The following BABAM2 variants were observed in gnomAD, a reference collection of about 807,000 sequenced individuals.
BABAM2 encodes BRISC and BRCA1 A complex member 2.
BABAM2 carries 31 observed loss-of-function variants against 54.7 expected under a neutral mutation model. The ratio of observed to expected loss-of-function variants is 0.57; its 90% CI spans 0.43 to 0.77. The LOEUF is 0.77. Among genes scored for constraint, BABAM2 ranks in the 30% least tolerant of loss-of-function variants. The pLI is 0.00. For synonymous variants in BABAM2, 167 were observed against 162.9 expected (o/e 1.03, Z -0.19); for missense variants, 364 against 455.8 (o/e 0.80, Z 1.83).
intron 6 of BABAM2, among the ~76,000 whole-genome samples, chr2:28,121,360 CATT>C (rs1669051724): frequency 6.6e-6 from 1 of 152,210 alleles, no homozygotes; most frequent in South Asian, 2.1e-4. Context: ...TGACCAGTGT[CATT>C]ATGAGACAGA....
intron 10 of BABAM2, among the ~76,000 whole-genome samples, chr2:28,264,543 G>A (rs1684813779): frequency 6.6e-6 from 1 of 152,168 alleles, no homozygotes; most frequent in Non-Finnish European, 1.5e-5. Flanking sequence ...TCTCCAAATG[G>A]CATAGTCTTT....
intron 7 of BABAM2, among the ~76,000 whole-genome samples, chr2:28,153,257 G>A (rs998527507): frequency 2.0e-5 from 3 of 152,054 alleles, no homozygotes; most frequent in Non-Finnish European, 4.4e-5. Context: ...TACTTAATAG[G>A]CCTTAAATTG....
At chr2:28,124,658 C>A (rs1281850931) in intron 6 of BABAM2, among the ~76,000 whole-genome samples, 1 of 152,162 alleles carries the variant, frequency 6.6e-6, no homozygotes, top group African/African-American at 2.4e-5. Context: ...ATTCAGCTAA[C>A]ATTGAGTGGT....
At chr2:28,045,659 G>A (rs1677500394) in intron 5 of BABAM2, 66 bp from the exon 6 acceptor site, 1 of 1,396,656 alleles carries the variant, frequency 7.2e-7, no homozygotes, top group Non-Finnish European at 9.9e-7. Flanking sequence ...TGTGGCCTTG[G>A]CTATAATTGT....
At chr2:28,264,603 TCCA>T (rs1426397596) in intron 10 of BABAM2, among the ~76,000 whole-genome samples, 8 of 152,234 alleles carry the variant, frequency 5.3e-5, no homozygotes, top group African/African-American at 1.9e-4. Context: ...TTCATACTGT[TCCA>T]CCACAACCAG....
chr2:28,243,127 A>G (rs1474772052), intron 9 of BABAM2, among the ~76,000 whole-genome samples: 3 of 152,172 alleles, frequency 2.0e-5, no homozygotes, highest in Non-Finnish European at 4.4e-5. Context: ...ACATTTTATT[A>G]TGCATGTAGT....
intron 4 of BABAM2, among the ~76,000 whole-genome samples, chr2:28,007,408 G>A (rs918098382): frequency 2.0e-5 from 3 of 152,072 alleles, no homozygotes; most frequent in Non-Finnish European, 4.4e-5. Context: ...GCAAATGGAA[G>A]AAATTTGATC....
intron 3 of BABAM2, among the ~76,000 whole-genome samples, chr2:27,977,371 A>G (rs1671677031): frequency 6.6e-6 from 1 of 152,204 alleles, no homozygotes; most frequent in Non-Finnish European, 1.5e-5. Context: ...TAAGAATATC[A>G]TGATGGACTT....
intron 3 of BABAM2, among the ~76,000 whole-genome samples, chr2:27,981,153 G>A (rs1671967188): frequency 6.6e-6 from 1 of 151,978 alleles, no homozygotes; most frequent in Admixed American, 6.6e-5. Flanking sequence ...ATCTTAAAAA[G>A]CATTCTTTAC....
chr2:28,286,380 G>A (rs1042365643), intron 10 of BABAM2, among the ~76,000 whole-genome samples: 1 of 152,138 alleles, frequency 6.6e-6, no homozygotes, highest in African/African-American at 2.4e-5. Flanking sequence ...CCCTAGAAAT[G>A]TTCAAGGGTA....
Position 28,329,332 on chromosome 2 carries a change from G to A in BABAM2, c.1089-9118G>A, listed in dbSNP as rs777198622. Among the ~76,000 whole-genome samples, 2 of 152,116 alleles carry A rather than the reference G, an allele frequency of 1.3e-5. No homozygotes were observed. Among genetic ancestry groups the A allele is most frequent in the Non-Finnish European group, 2.9e-5 (2 of 68,022 alleles). On this transcript the variant is annotated intron_variant, in intron 11 of 11. Coordinates refer to ENST00000379624, the MANE Select transcript of BABAM2 (RefSeq NM_199191.3). This position sits in a 1 kb window ranked among gnomAD's most constrained non-coding sequence, Gnocchi z 4.2. ...TGTATAAAACTATGCAGATGGAAAC[G>A]ATCCAATAATAACCCAACTACTCCC...
intron 6 of BABAM2, among the ~76,000 whole-genome samples, chr2:28,076,083 A>G (rs1368081503): frequency 2.0e-5 from 3 of 152,068 alleles, no homozygotes; most frequent in African/African-American, 4.8e-5. Flanking sequence ...GTGCAACATA[A>G]GGAGACCCTG....
intron 11 of BABAM2, among the ~76,000 whole-genome samples, chr2:28,319,216 A>G (rs976994241): frequency 6.6e-6 from 1 of 152,248 alleles, no homozygotes; most frequent in Non-Finnish European, 1.5e-5. Flanking sequence ...AACCCAACAC[A>G]CAGAACTGAA....
At chr2:28,026,979 A>C (rs184333725) in intron 5 of BABAM2, among the ~76,000 whole-genome samples, 1 of 96,600 alleles carries the variant, frequency 1.0e-5, no homozygotes, top group Non-Finnish European at 1.8e-5. Context: ...TAAATATATA[A>C]ATATATATAA....
At chr2:27,934,980 T>C (rs1408518517) in intron 3 of BABAM2, among the ~76,000 whole-genome samples, 1 of 152,220 alleles carries the variant, frequency 6.6e-6, no homozygotes, top group Non-Finnish European at 1.5e-5. Flanking sequence ...CAGTAAGTAA[T>C]TCAGATCTAG....
chr2:28,198,996 G>T (rs895336624), intron 7 of BABAM2, among the ~76,000 whole-genome samples: 1 of 152,208 alleles, frequency 6.6e-6, no homozygotes, highest in Non-Finnish European at 1.5e-5. Flanking sequence ...GAAGAGTATG[G>T]TAATTTACCT....
intron 6 of BABAM2, among the ~76,000 whole-genome samples, chr2:28,099,805 G>T (rs1666923511): frequency 6.6e-6 from 1 of 152,074 alleles, no homozygotes; most frequent in East Asian, 1.9e-4. Context: ...TCACTCTGTT[G>T]TTGTAAGTTG....
At position 28,026,597 on chromosome 2, in the gene BABAM2, G is replaced by A. The variant is rs1024211719; in HGVS notation, c.495+1177G>A. On this transcript the variant is annotated intron_variant, in intron 5 of 11. Coordinates refer to ENST00000379624, the MANE Select transcript of BABAM2 (RefSeq NM_199191.3). ...GTGCCTGTTGGTGGGGAGGAGGCTAGGGGAGGGATACCATTAGGAGACATA... is the reference window on the plus strand; with the variant it reads ...GTGCCTGTTGGTGGGGAGGAGGCTAAGGGAGGGATACCATTAGGAGACATA... Among the ~76,000 whole-genome samples the A allele has an allele frequency of 5.3e-5, 8 of 150,488 alleles. 1 individual carries two copies. The highest frequency in any genetic ancestry group is 6.7e-5 in the Admixed American group (1 of 14,974).
At chr2:28,165,355 C>T (rs1236802773) in intron 7 of BABAM2, among the ~76,000 whole-genome samples, 3 of 151,894 alleles carry the variant, frequency 2.0e-5, no homozygotes, top group East Asian at 1.9e-4. Context: ...ATGGTTGGTT[C>T]GGGGAGCTTG....
Sources: allele counts gnomAD v4.1 joint callset (sites outside exome capture counted in the v4.1 genomes callset), GRCh38; gene constraint gnomAD v4.1.1; non-coding constraint Gnocchi (gnomAD v3.1); transcripts MANE v1.5; gene names NCBI Gene and HGNC (gene_info 2026-07-23, HGNC 2026-07-21).